The following DNER variants were observed in gnomAD, a reference collection of about 807,000 sequenced individuals.
The protein encoded by DNER is delta and Notch-like epidermal growth factor-related receptor.
In DNER, 33 loss-of-function variants were observed where a neutral mutation model predicts 78.2. The ratio of observed to expected loss-of-function variants is 0.42; its 90% CI spans 0.32 to 0.56. The LOEUF (loss-of-function observed/expected upper bound fraction) is 0.56. DNER is among the 20% of genes least tolerant of loss of function. The pLI is 0.11. For synonymous variants in DNER, 417 were observed against 384.8 expected (o/e 1.08, Z -0.98); for missense variants, 918 against 975.3 (o/e 0.94, Z 0.78).
At chr2:229,619,776 T>A (rs1698222783) in intron 1 of DNER, among the ~76,000 whole-genome samples, 1 of 152,246 alleles carries the variant, frequency 6.6e-6, no homozygotes, top group African/African-American at 2.4e-5. Flanking sequence ...AAGGAGCTGG[T>A]ACTATATTTT....
In DNER at chr2:229,591,530, T is replaced by A; in HGVS notation, c.585+50A>T. 6.4e-7 allele frequency: 1 copy of A among 1,553,954 alleles called. No individual in the cohort carries two copies. Among genetic ancestry groups the A allele is most frequent in the South Asian group, 1.3e-5 (1 of 79,884 alleles). The stretch of plus-strand genomic sequence containing the variant: ...GATACTAGAACCGCTGGAGTCACTT[T>A]AAGATTTCTGGTTTCTAATGTAAAA... On this transcript the variant is annotated intron_variant, in intron 2 of 12. Coordinates refer to ENST00000341772, the MANE Select transcript of DNER (RefSeq NM_139072.4). The surrounding 1 kb of genome is among the most constrained non-coding windows in gnomAD (Gnocchi z 4.6).
Position 229,683,940 on chromosome 2 carries a change from C to T in DNER, c.276+30208G>A, listed in dbSNP as rs557712794. On this transcript the variant is annotated intron_variant, in intron 1 of 12. Coordinates refer to ENST00000341772, the MANE Select transcript of DNER (RefSeq NM_139072.4). ...ATGGGCAAACATTTGCCTTCCTCCT[C>T]TCCTGTGCAGAGCACTGTGTTAGGG... Among the ~76,000 whole-genome samples the T allele has an allele frequency of 8.0e-4, 122 of 152,186 alleles. 1 individual carries two copies. Among genetic ancestry groups the T allele is most frequent in the African/African-American group, 2.8e-3 (117 of 41,520 alleles).
Position 229,655,916 on chromosome 2 carries a change from A to G in DNER, c.276+58232T>C, listed in dbSNP as rs148804873. Reference sequence around the variant, plus strand: ...GACCCACATGAAGATGAAGGCAGGCATTCACGTTAAGCTGCCACAACCCAA... The same window carrying G: ...GACCCACATGAAGATGAAGGCAGGCGTTCACGTTAAGCTGCCACAACCCAA... On this transcript the variant is annotated intron_variant, in intron 1 of 12. Coordinates refer to ENST00000341772, the MANE Select transcript of DNER (RefSeq NM_139072.4). Among the ~76,000 whole-genome samples the G allele has an allele frequency of 2.0e-3, 298 of 152,198 alleles. 1 individual carries two copies. Among genetic ancestry groups the G allele is most frequent in the Non-Finnish European group, 3.5e-3 (235 of 67,986 alleles).
intron 1 of DNER, among the ~76,000 whole-genome samples, chr2:229,680,236 CAGA>C (rs752610933): frequency 2.6e-5 from 4 of 152,140 alleles, no homozygotes; most frequent in Non-Finnish European, 5.9e-5. Context: ...AAAGGTGACG[CAGA>C]AGGAGTATGG....
intron 7 of DNER, among the ~76,000 whole-genome samples, chr2:229,469,617 G>C (rs536645810): frequency 5.9e-5 from 9 of 152,312 alleles, no homozygotes; most frequent in East Asian, 3.9e-4. Context: ...TTGAGCCTCA[G>C]CTGTTAACTG....
intron 1 of DNER, among the ~76,000 whole-genome samples, chr2:229,656,767 A>G (rs868121761): frequency 6.6e-6 from 1 of 152,160 alleles, no homozygotes; most frequent in Non-Finnish European, 1.5e-5. Context: ...AGAGATTTTG[A>G]TGTCCTGGAG....
chr2:229,703,405 G>A (rs1417106532), intron 1 of DNER, among the ~76,000 whole-genome samples: 1 of 152,132 alleles, frequency 6.6e-6, no homozygotes, highest in Non-Finnish European at 1.5e-5. Context: ...ATCTTAAAAT[G>A]GGTCAAAGAC....
At chr2:229,508,398 T>C (rs1475057072) in intron 6 of DNER, among the ~76,000 whole-genome samples, 1 of 152,188 alleles carries the variant, frequency 6.6e-6, no homozygotes, top group East Asian at 1.9e-4. Flanking sequence ...TAGAATGGAA[T>C]TTTATATGGC....
intron 10 of DNER, among the ~76,000 whole-genome samples, chr2:229,402,107 G>A (rs1243843173): frequency 1.3e-5 from 2 of 151,668 alleles, no homozygotes; most frequent in African/African-American, 4.8e-5. Context: ...AGTAGACAAA[G>A]ATTTCTTACA....
intron 1 of DNER, among the ~76,000 whole-genome samples, chr2:229,661,175 G>A (rs546393676): frequency 1.3e-5 from 2 of 152,132 alleles, no homozygotes; most frequent in South Asian, 4.1e-4. Flanking sequence ...ATGGCACTAA[G>A]TGTCTTTGCC....
chr2:229,477,299 C>G (rs1160718135), intron 6 of DNER, 46 bp from the exon 7 acceptor site: 1 of 1,456,904 alleles, frequency 6.9e-7, no homozygotes, highest in African/African-American at 1.4e-5. Flanking sequence ...CTCTTCCAGA[C>G]CCACCATGAG....
intron 1 of DNER, among the ~76,000 whole-genome samples, chr2:229,683,041 T>C (rs1699413774): frequency 6.6e-6 from 1 of 152,206 alleles, no homozygotes; most frequent in South Asian, 2.1e-4. Flanking sequence ...ATTTAACATA[T>C]TAATTATAAT....
intron 6 of DNER, among the ~76,000 whole-genome samples, chr2:229,489,061 CT>C (rs1324100022): frequency 6.6e-6 from 1 of 152,264 alleles, no homozygotes; most frequent in Non-Finnish European, 1.5e-5. Context: ...CTTCCCCAAG[CT>C]CACACAATAA....
At chr2:229,706,812 G>A (rs1177018055) in intron 1 of DNER, among the ~76,000 whole-genome samples, 1 of 152,154 alleles carries the variant, frequency 6.6e-6, no homozygotes, top group Non-Finnish European at 1.5e-5. Context: ...CTGGGCTCAA[G>A]CGATCCTCCC....
chr2:229,437,430 T>C (rs1031530959), intron 8 of DNER, among the ~76,000 whole-genome samples: 2 of 152,136 alleles, frequency 1.3e-5, no homozygotes, highest in Non-Finnish European at 1.5e-5. Context: ...ATGGAAGAAA[T>C]ACAGGGCATT....
intron 5 of DNER, among the ~76,000 whole-genome samples, chr2:229,537,766 T>C (rs1176795286): frequency 6.6e-6 from 1 of 152,028 alleles, no homozygotes; most frequent in East Asian, 1.9e-4. Flanking sequence ...TTATTATTAT[T>C]ATTATTATAC....
At chr2:229,433,824 T>C (rs988006125) in intron 8 of DNER, among the ~76,000 whole-genome samples, 3 of 152,222 alleles carry the variant, frequency 2.0e-5, no homozygotes, top group Non-Finnish European at 4.4e-5. Context: ...GACTATCATA[T>C]ACTAGACATT....
intron 7 of DNER, among the ~76,000 whole-genome samples, chr2:229,447,885 A>G (rs1694372997): frequency 6.6e-6 from 1 of 152,192 alleles, no homozygotes; most frequent in Non-Finnish European, 1.5e-5. Context: ...AATTTCCTAA[A>G]GGAATATGGG....
chr2:229,583,286 T>C (rs1463346255), intron 4 of DNER, among the ~76,000 whole-genome samples: 1 of 152,222 alleles, frequency 6.6e-6, no homozygotes, highest in Non-Finnish European at 1.5e-5. Context: ...GTAATGCACC[T>C]GACCTAGCAA....
Sources: gnomAD v4.1 joint callset for allele counts (sites outside exome capture counted in the v4.1 genomes callset) on GRCh38, gnomAD v4.1.1 for gene constraint, Gnocchi (gnomAD v3.1) non-coding constraint, MANE v1.5 for transcripts, NCBI Gene and HGNC (gene_info 2026-07-23, HGNC 2026-07-21) for gene names.